The following SPAST variants were observed in gnomAD, a reference collection of about 807,000 sequenced individuals.
SPAST encodes spastin.
A neutral mutation model predicts 76.6 loss-of-function variants in SPAST; 30 were observed. The observed-to-expected ratio is 0.39, with a 90% CI of 0.29 to 0.53. SPAST has a LOEUF of 0.53. Among genes scored for constraint, SPAST ranks in the 20% least tolerant of loss-of-function variants. SPAST has a pLI of 0.68. For missense variants in SPAST, 717 were observed against 770.5 expected (o/e 0.93, Z 0.82); for synonymous variants, 305 against 281.0 (o/e 1.09, Z -0.86).
At chr2:32,126,713 T>C (rs1679206188) in intron 7 of SPAST, 1 of 438,844 alleles carries the variant, frequency 2.3e-6, no homozygotes, top group East Asian at 4.0e-5. Context: ...TCTTGAACTC[T>C]TGGGCTCATG....
chr2:32,091,243 A>AGCT (rs2148711781), intron 3 of SPAST, among the ~76,000 whole-genome samples: 1 of 118,080 alleles, frequency 8.5e-6, no homozygotes, highest in African/African-American at 3.2e-5. Flanking sequence ...TGTAATATGA[A>AGCT]GCTATTATTA....
intron 12 of SPAST, among the ~76,000 whole-genome samples, chr2:32,140,033 T>C (rs1264844784): frequency 6.6e-6 from 1 of 152,124 alleles, no homozygotes; most frequent in Non-Finnish European, 1.5e-5. Flanking sequence ...TTTATCTTAA[T>C]TTTTTTCCCT....
intron 1 of SPAST, among the ~76,000 whole-genome samples, chr2:32,064,957 AAAC>A (rs998153895): frequency 1.4e-4 from 21 of 152,210 alleles, no homozygotes; most frequent in African/African-American, 4.3e-4. Flanking sequence ...GTAAAACCTA[AAAC>A]AACTATGTAT....
chr2:32,080,901 T>G (rs1293348150), intron 1 of SPAST, among the ~76,000 whole-genome samples: 3 of 150,596 alleles, frequency 2.0e-5, no homozygotes, highest in Non-Finnish European at 4.4e-5. Context: ...TTCAAGTGAT[T>G]CTCCTGCCTC....
intron 1 of SPAST, among the ~76,000 whole-genome samples, chr2:32,068,088 C>T (rs1676596833): frequency 6.6e-6 from 1 of 150,832 alleles, no homozygotes; most frequent in African/African-American, 2.4e-5. Flanking sequence ...ACGCCATTCT[C>T]CTGCCTCAGC....
At chr2:32,121,869 T>C (rs1162423081) in intron 7 of SPAST, among the ~76,000 whole-genome samples, 2 of 152,206 alleles carry the variant, frequency 1.3e-5, no homozygotes, top group Non-Finnish European at 2.9e-5. Flanking sequence ...AGATGCAGTG[T>C]CTTTTATGTC....
intron 12 of SPAST, among the ~76,000 whole-genome samples, chr2:32,138,512 C>T (rs955835772): frequency 1.2e-3 from 185 of 152,032 alleles, no homozygotes; most frequent in African/African-American, 4.2e-3. Flanking sequence ...TCCTTTTTAC[C>T]CATTTTTTAA....
intron 1 of SPAST, among the ~76,000 whole-genome samples, chr2:32,072,082 G>A (rs1280851109): frequency 6.6e-6 from 1 of 152,148 alleles, no homozygotes; most frequent in Non-Finnish European, 1.5e-5. Flanking sequence ...TCGCTCTGTT[G>A]CCCAGGCTGG....
chr2:32,145,325 G>A (rs918733989), intron 15 of SPAST, among the ~76,000 whole-genome samples: 5 of 152,004 alleles, frequency 3.3e-5, no homozygotes, highest in East Asian at 1.9e-4. Flanking sequence ...TTGAACTCCC[G>A]GGCTCAAGTG....
chr2:32,154,631 TTGAAGA>T lies in SPAST; in HGVS notation c.*140_*145del. On this transcript the variant is annotated 3_prime_UTR_variant, in exon 17 of 17. Coordinates refer to ENST00000315285, the MANE Select transcript of SPAST (RefSeq NM_014946.4). ...AGTCTTACATATTTGTGCACCAAAC[TTGAAGA>T]TGAACCAGAAAACAGACTTAAACAA... The T allele has an allele frequency of 1.1e-6, 1 of 878,822 alleles. No homozygotes were observed. The highest frequency in any genetic ancestry group is 1.8e-6 in the Non-Finnish European group (1 of 554,958). The allele number at this position is 878,822 out of a possible 1,614,324, so 54.4% of individuals were successfully genotyped here.
At chr2:32,146,162 A>G (rs1420695063) in intron 15 of SPAST, among the ~76,000 whole-genome samples, 2 of 152,222 alleles carry the variant, frequency 1.3e-5, no homozygotes, top group Non-Finnish European at 2.9e-5. Flanking sequence ...TAGTGGATTT[A>G]GAAACAGTAG....
intron 1 of SPAST, among the ~76,000 whole-genome samples, chr2:32,072,276 C>T (rs763021820): frequency 6.6e-6 from 1 of 152,210 alleles, no homozygotes; most frequent in East Asian, 1.9e-4. Flanking sequence ...ATCTCTTGAC[C>T]TCGTGATTCA....
chr2:32,152,169 C>G (rs1680107448), intron 16 of SPAST, among the ~76,000 whole-genome samples: 1 of 152,116 alleles, frequency 6.6e-6, no homozygotes. Flanking sequence ...TGCCTTTTTC[C>G]TGTTGTATAC....
intron 16 of SPAST, among the ~76,000 whole-genome samples, chr2:32,148,000 G>A (rs1231613056): frequency 1.4e-5 from 2 of 143,294 alleles, no homozygotes; most frequent in South Asian, 2.3e-4. Flanking sequence ...TGGTGCAATC[G>A]TGGCTGACTG....
At chr2:32,120,310 C>G (rs1470817901) in intron 7 of SPAST, among the ~76,000 whole-genome samples, 1 of 152,124 alleles carries the variant, frequency 6.6e-6, no homozygotes, top group African/African-American at 2.4e-5. Context: ...TTAGCTCCAT[C>G]ATACCACACA....
At chr2:32,084,324 C>G (rs893356835) in intron 1 of SPAST, among the ~76,000 whole-genome samples, 1 of 151,562 alleles carries the variant, frequency 6.6e-6, no homozygotes, top group African/African-American at 2.4e-5. Flanking sequence ...CCATGCCTGG[C>G]TAATTTGTTT....
intron 1 of SPAST, among the ~76,000 whole-genome samples, chr2:32,081,790 A>AAAAAAAAAAAAAAAAAAAAAAAAG (rs1677238363): frequency 6.8e-6 from 1 of 148,058 alleles, no homozygotes; most frequent in South Asian, 2.2e-4. Context: ...TCAAAAAAAA[A>AAAAAAAAAAAAAAAAAAAAAAAAG]AAAAAAAAAA....
chr2:32,137,382 T>G (rs1253538635), intron 12 of SPAST, among the ~76,000 whole-genome samples, 194 bp downstream of exon 12: 1 of 152,238 alleles, frequency 6.6e-6, no homozygotes, highest in Non-Finnish European at 1.5e-5. Context: ...AGAATTAGTC[T>G]AGTAAAGGTT....
At chr2:32,101,221 G>A (rs1399771607) in intron 4 of SPAST, among the ~76,000 whole-genome samples, 1 of 152,132 alleles carries the variant, frequency 6.6e-6, no homozygotes, top group African/African-American at 2.4e-5. Context: ...GTGATGATGA[G>A]CATTTTTTCA....
Sources: allele counts gnomAD v4.1 joint callset (sites outside exome capture counted in the v4.1 genomes callset), GRCh38; gene constraint gnomAD v4.1.1; transcripts MANE v1.5; gene names NCBI Gene and HGNC (gene_info 2026-07-23, HGNC 2026-07-21).